The following ANKRD17 variants were observed in gnomAD, a reference collection of about 807,000 sequenced individuals.
ANKRD17 encodes ankyrin repeat domain-containing protein 17.
Under a neutral mutation model 229.7 loss-of-function variants are expected in ANKRD17, and 19 were observed. That is an observed-to-expected ratio of 0.08 (90% confidence interval 0.06 to 0.12). ANKRD17 has a LOEUF of 0.12. ANKRD17 is among the 10% of genes least tolerant of loss of function. The pLI, the probability that ANKRD17 is intolerant of heterozygous loss-of-function variation, is 1.00. For missense variants in ANKRD17, 2,176 were observed against 3,176.8 expected, an observed-to-expected ratio of 0.68 and a Z score of 7.57; for synonymous variants, 1,112 against 1,146.1, an observed-to-expected ratio of 0.97 and a Z score of 0.60.
Position 73,090,936 on chromosome 4 carries a change from T to A in ANKRD17, c.6692A>T (p.Gln2231Leu). Residue 2231 changes from glutamine to leucine, a missense_variant, in exon 29 of 34, where the codon CAG becomes CTG. By Grantham distance (113) the Gln-to-Leu change is moderately radical (BLOSUM62 -2). Transcript: ENST00000358602. ...CTTATTTGCTGGATGTACTGAATTC[T>A]GACAAGCACTTTGTGTACTTAAGGT... The part of the protein sequence containing the change: ...PSTLSTQSAC[Q>L]NSVHPANKPI... The A allele has an allele frequency of 6.2e-7, 1 of 1,614,270 alleles. No individual in the cohort carries two copies. The highest frequency in any genetic ancestry group is 8.5e-7 in the Non-Finnish European group (1 of 1,180,052).
intron 2 of ANKRD17, among the ~76,000 whole-genome samples, chr4:73,170,913 T>A (rs1321022307): frequency 2.6e-5 from 4 of 152,132 alleles, no homozygotes; most frequent in Non-Finnish European, 5.9e-5. Context: ...GGCTCCCAGA[T>A]GGCATCTATG....
chr4:73,081,401 G>A (rs375068797), intron 30 of ANKRD17, among the ~76,000 whole-genome samples: 5 of 152,058 alleles, frequency 3.3e-5, no homozygotes, highest in African/African-American at 7.2e-5. Flanking sequence ...AGTCCTGGAC[G>A]GTTTGGAAAA....
chr4:73,097,347 A>G, intron 26 of ANKRD17, 75 bp from the exon 27 acceptor site: 4 of 1,283,016 alleles, frequency 3.1e-6, no homozygotes, highest in Non-Finnish European at 4.2e-6. Context: ...GTAGTCTACT[A>G]CCCAATTTTT....
At chr4:73,090,508 T>C (rs1722687751) in intron 29 of ANKRD17, among the ~76,000 whole-genome samples, 159 bp downstream of exon 29, 1 of 152,194 alleles carries the variant, frequency 6.6e-6, no homozygotes, top group Admixed American at 6.5e-5. Context: ...TTTTTAAAAA[T>C]AACACCATAC....
At chr4:73,116,736 G>A (rs190859017) in intron 22 of ANKRD17, among the ~76,000 whole-genome samples, 1 of 151,948 alleles carries the variant, frequency 6.6e-6, no homozygotes, top group Admixed American at 6.6e-5. Flanking sequence ...CTAACTTTGG[G>A]TATGGATCTT....
At chr4:73,173,376 T>C (rs1734296825) in intron 2 of ANKRD17, among the ~76,000 whole-genome samples, 1 of 152,214 alleles carries the variant, frequency 6.6e-6, no homozygotes, top group Non-Finnish European at 1.5e-5. Context: ...CTTTCAGCAT[T>C]GGACAGATCT....
At chr4:73,120,104 G>A (rs925978449) in intron 21 of ANKRD17, 58 bp downstream of exon 21, 3 of 1,516,486 alleles carry the variant, frequency 2.0e-6, no homozygotes, top group African/African-American at 2.7e-5. Context: ...TGCCTAGAGA[G>A]AATGATAACC....
At chr4:73,159,680 A>G (rs972310266) in intron 3 of ANKRD17, among the ~76,000 whole-genome samples, 1 of 152,186 alleles carries the variant, frequency 6.6e-6, no homozygotes, top group Non-Finnish European at 1.5e-5. Context: ...TGGTTTTAGT[A>G]TACCCTTCAA....
intron 22 of ANKRD17, among the ~76,000 whole-genome samples, chr4:73,117,271 G>C (rs940134798): frequency 6.6e-6 from 1 of 152,054 alleles, no homozygotes; most frequent in Non-Finnish European, 1.5e-5. Context: ...GTGAGAGATA[G>C]GAACAAGGAA....
At chr4:73,115,379 C>A (rs1273976337) in intron 23 of ANKRD17, among the ~76,000 whole-genome samples, 2 of 152,194 alleles carry the variant, frequency 1.3e-5, no homozygotes, top group Non-Finnish European at 2.9e-5. Flanking sequence ...CAACCTCCAC[C>A]TTCCGGGTTC....
rs1021736935 is a variant in ANKRD17 at position 73,205,407 on chromosome 4, G to T, written c.394-27874C>A. Reference sequence around the variant, plus strand: ...CACTAGCAAAAAAACACAGACCAATGGAACAGAATAAAGAACCCAGAAATC... The same window carrying T: ...CACTAGCAAAAAAACACAGACCAATTGAACAGAATAAAGAACCCAGAAATC... On this transcript the variant is annotated intron_variant, in intron 1 of 33. Coordinates refer to ENST00000358602, the MANE Select transcript of ANKRD17 (RefSeq NM_032217.5). Among the ~76,000 whole-genome samples the T allele has an allele frequency of 2.0e-5, 3 of 151,770 alleles. No homozygotes were observed. The East Asian group carries it at 5.8e-4, about 29-fold the overall frequency.
At chr4:73,183,968 T>C (rs1371913715) in intron 1 of ANKRD17, among the ~76,000 whole-genome samples, 1 of 152,202 alleles carries the variant, frequency 6.6e-6, no homozygotes, top group Non-Finnish European at 1.5e-5. Flanking sequence ...TCTGACTTAA[T>C]ACAAATATTT....
intron 1 of ANKRD17, among the ~76,000 whole-genome samples, chr4:73,193,318 G>A (rs1737382641): frequency 6.6e-6 from 1 of 152,146 alleles, no homozygotes. Context: ...ACCAGCTAAT[G>A]AACATTTAAA....
chr4:73,247,437 C>A (rs1282682291), intron 1 of ANKRD17, among the ~76,000 whole-genome samples: 1 of 151,946 alleles, frequency 6.6e-6, no homozygotes, highest in Non-Finnish European at 1.5e-5. Context: ...TCACTAATAG[C>A]AATGTAGTGA....
At chr4:73,219,387 C>T (rs1741562252) in intron 1 of ANKRD17, among the ~76,000 whole-genome samples, 2 of 152,152 alleles carry the variant, frequency 1.3e-5, no homozygotes, top group Admixed American at 1.3e-4. Context: ...GATTTGATAT[C>T]ATTACCAAAA....
chr4:73,172,635 C>T (rs960912831), intron 2 of ANKRD17, among the ~76,000 whole-genome samples: 4 of 151,940 alleles, frequency 2.6e-5, no homozygotes, highest in Non-Finnish European at 5.9e-5. Flanking sequence ...AAGATATAAA[C>T]AGAAATGACA....
At chr4:73,231,567 T>G (rs1162220348) in intron 1 of ANKRD17, among the ~76,000 whole-genome samples, 1 of 152,242 alleles carries the variant, frequency 6.6e-6, no homozygotes, top group African/African-American at 2.4e-5. Flanking sequence ...CTGCCTGTGA[T>G]ATCATGAAAT....
chr4:73,160,403 G>C (rs1217182433), intron 3 of ANKRD17, among the ~76,000 whole-genome samples: 1 of 152,016 alleles, frequency 6.6e-6, no homozygotes, highest in Non-Finnish European at 1.5e-5. Flanking sequence ...GTTCTTAGTA[G>C]AGACAGGGTT....
At chr4:73,198,245 C>A (rs1041968315) in intron 1 of ANKRD17, among the ~76,000 whole-genome samples, 8 of 152,064 alleles carry the variant, frequency 5.3e-5, no homozygotes, top group Admixed American at 3.3e-4. Flanking sequence ...GACCCATTAC[C>A]TAGTGATAAA....
Sources: gnomAD v4.1 joint callset for allele counts (sites outside exome capture counted in the v4.1 genomes callset) on GRCh38, gnomAD v4.1.1 for gene constraint, MANE v1.5 for transcripts, NCBI Gene and HGNC (gene_info 2026-07-23, HGNC 2026-07-21) for gene names.